The following RASGRF2 variants were observed in gnomAD, a reference collection of about 807,000 sequenced individuals.
RASGRF2 encodes Ras protein specific guanine nucleotide releasing factor 2.
RASGRF2 carries 76 observed loss-of-function variants against 151.0 expected under a neutral mutation model. That is an observed-to-expected ratio of 0.50 (90% CI 0.42 to 0.61). The LOEUF is 0.61. Among genes scored for constraint, RASGRF2 ranks in the 20% least tolerant of loss-of-function variants. The pLI, the probability that RASGRF2 is intolerant of heterozygous loss-of-function variation, is 0.00. For missense variants in RASGRF2, 1,148 were observed against 1,564.6 expected (o/e 0.73, Z 4.49); for synonymous variants, 504 against 566.5 (o/e 0.89, Z 1.57).
rs776343115 is a variant in RASGRF2, at chr5:81,094,375, C to T, written c.1618+13C>T. On this transcript the variant is annotated intron_variant, in intron 11 of 26. Transcript: ENST00000265080. ...AGCGATGATGACTGTAAGTCACCTTCGATCACTTAGGATTCTATTAGAATT... is the reference window on the plus strand; with the variant it reads ...AGCGATGATGACTGTAAGTCACCTTTGATCACTTAGGATTCTATTAGAATT... The T allele has an allele frequency of 2.5e-6, 4 of 1,606,338 alleles. No individual in the cohort carries two copies. The highest frequency in any genetic ancestry group is 2.2e-5 in the South Asian group (2 of 89,984).
intron 18 of RASGRF2, among the ~76,000 whole-genome samples, chr5:81,190,396 G>T (rs542028888): frequency 1.2e-4 from 19 of 152,282 alleles, no homozygotes; most frequent in African/African-American, 4.3e-4. Flanking sequence ...GGTCAAAAAG[G>T]TCTCAGATGA....
intron 5 of RASGRF2, among the ~76,000 whole-genome samples, chr5:81,078,307 G>T (rs1380562330): frequency 2.0e-5 from 3 of 152,120 alleles, no homozygotes; most frequent in Admixed American, 2.0e-4. Context: ...AACTATAGCT[G>T]CCCTATTGTG....
intron 1 of RASGRF2, among the ~76,000 whole-genome samples, chr5:80,971,451 G>C (rs532400278): frequency 5.9e-5 from 9 of 152,082 alleles, no homozygotes; most frequent in Non-Finnish European, 1.3e-4. Context: ...TCTTGCTGGA[G>C]TGCAATAATG....
intron 17 of RASGRF2, among the ~76,000 whole-genome samples, chr5:81,153,405 G>C (rs759229372): frequency 3.3e-5 from 5 of 152,216 alleles, no homozygotes; most frequent in Admixed American, 6.5e-5. Flanking sequence ...ATGTGAGAAA[G>C]ACTGGAGTGG....
At position 81,217,341 on chromosome 5, in the gene RASGRF2, C is replaced by T. The variant is rs772691684; in HGVS notation, c.3435-15C>T. ...ATTCAAATGAGTCTCAGAACAGTGCCTCTTGGTCTTGCAGTTGTAACCCTC... is the reference window on the plus strand; with the variant it reads ...ATTCAAATGAGTCTCAGAACAGTGCTTCTTGGTCTTGCAGTTGTAACCCTC... On this transcript the variant is annotated splice_polypyrimidine_tract_variant and intron_variant, in intron 24 of 26. Transcript: ENST00000265080. 4.4e-6 allele frequency: 7 copies of T among 1,592,990 alleles called. No individual in the cohort carries two copies. Among genetic ancestry groups the T allele is most frequent in the East Asian group, 2.3e-5 (1 of 43,984 alleles).
At chr5:80,996,046 C>G (rs926269927) in intron 1 of RASGRF2, among the ~76,000 whole-genome samples, 1 of 151,900 alleles carries the variant, frequency 6.6e-6, no homozygotes, top group African/African-American at 2.4e-5. Context: ...ATTGCATTAC[C>G]CCCTCCACTC....
At chr5:81,134,081 T>TGC (rs1246512240) in intron 17 of RASGRF2, among the ~76,000 whole-genome samples, 4 of 148,516 alleles carry the variant, frequency 2.7e-5, no homozygotes, top group African/African-American at 9.9e-5. Context: ...CTTGTGTGCG[T>TGC]GTGTGTGTGT....
intron 17 of RASGRF2, among the ~76,000 whole-genome samples, chr5:81,176,247 A>C (rs1754771366): frequency 6.6e-6 from 1 of 152,194 alleles, no homozygotes; most frequent in Non-Finnish European, 1.5e-5. Flanking sequence ...TTTTAATTTA[A>C]ATATGGACTA....
intron 12 of RASGRF2, among the ~76,000 whole-genome samples, chr5:81,102,471 G>A (rs1240525404): frequency 6.6e-6 from 1 of 152,170 alleles, no homozygotes; most frequent in East Asian, 1.9e-4. Flanking sequence ...AAGGCGGGTG[G>A]ATCACTTGAG....
At position 81,157,458 on chromosome 5, in the gene RASGRF2, T is replaced by C. The variant is rs370782297; in HGVS notation, c.2687-22717T>C. On this transcript the variant is annotated intron_variant, in intron 17 of 26. Transcript: ENST00000265080. ...TTGCTGAGAGACATTAGTGGAGAGATATACCAAGTTCGTTGACTGGAAGAC... is the reference window on the plus strand; with the variant it reads ...TTGCTGAGAGACATTAGTGGAGAGACATACCAAGTTCGTTGACTGGAAGAC... Among the ~76,000 whole-genome samples, 69 of 152,158 alleles carry C rather than the reference T, an allele frequency of 4.5e-4. No individual in the cohort carries two copies. In the South Asian group the frequency reaches 9.3e-3, roughly 21 times the overall value.
chr5:81,044,984 C>T (rs1163762318), intron 2 of RASGRF2, among the ~76,000 whole-genome samples: 1 of 152,174 alleles, frequency 6.6e-6, no homozygotes, highest in African/African-American at 2.4e-5. Flanking sequence ...GTGCCACTCT[C>T]CATGTGGACC....
chr5:81,131,689 A>G (rs142189824), intron 17 of RASGRF2, among the ~76,000 whole-genome samples: 1 of 151,838 alleles, frequency 6.6e-6, no homozygotes, highest in East Asian at 1.9e-4. Context: ...AGAAAAGAAA[A>G]AAAAAAAAAA....
intron 2 of RASGRF2, among the ~76,000 whole-genome samples, chr5:81,055,336 AG>A (rs1431721844): frequency 1.3e-5 from 2 of 152,180 alleles, no homozygotes; most frequent in African/African-American, 4.8e-5. Flanking sequence ...TTTAGCATGA[AG>A]GGCTGTTGAA....
At chr5:81,216,021 TACAA>T in intron 24 of RASGRF2, 66 bp downstream of exon 24, 2 of 1,319,898 alleles carry the variant, frequency 1.5e-6, no homozygotes, top group African/African-American at 1.5e-5. Flanking sequence ...GTATATAGTA[TACAA>T]ACAGTGACCT....
chr5:80,972,925 T>C (rs918021083), intron 1 of RASGRF2, among the ~76,000 whole-genome samples: 2 of 152,230 alleles, frequency 1.3e-5, no homozygotes, highest in Non-Finnish European at 2.9e-5. Context: ...TAATTTCATA[T>C]TGTTTATCCT....
At chr5:81,146,167 T>G (rs780003564) in intron 17 of RASGRF2, among the ~76,000 whole-genome samples, 8 of 152,218 alleles carry the variant, frequency 5.3e-5, no homozygotes, top group Admixed American at 3.9e-4. Flanking sequence ...CTGAATTGAA[T>G]AGACTCATTT....
chr5:81,067,783 G>A (rs1286398469), intron 2 of RASGRF2, among the ~76,000 whole-genome samples: 1 of 152,092 alleles, frequency 6.6e-6, no homozygotes, highest in Non-Finnish European at 1.5e-5. Context: ...CCACTTCTAT[G>A]GTAAGATTTT....
chr5:80,995,149 A>G (rs1010791583), intron 1 of RASGRF2, among the ~76,000 whole-genome samples: 18 of 150,526 alleles, frequency 1.2e-4, no homozygotes, highest in Non-Finnish European at 2.2e-4. Flanking sequence ...CCAGCTACTT[A>G]GGAGGCTGAG....
chr5:81,212,359 G>T lies in RASGRF2; in HGVS notation c.3157-7G>T. ...GACTGCCTTTCGGGGCTTTTTGATT[G>T]TCTCAGATGAGTAACCTGGTGGCCT... On this transcript the variant is annotated splice_region_variant and splice_polypyrimidine_tract_variant and intron_variant, in intron 22 of 26. Transcript: ENST00000265080. 6.3e-7 allele frequency: 1 copy of T among 1,582,216 alleles called. No homozygotes were observed. Among genetic ancestry groups the T allele is most frequent in the Non-Finnish European group, 8.6e-7 (1 of 1,159,850 alleles).
Sources: allele counts gnomAD v4.1 joint callset (sites outside exome capture counted in the v4.1 genomes callset), GRCh38; gene constraint gnomAD v4.1.1; transcripts MANE v1.5; gene names NCBI Gene and HGNC (gene_info 2026-07-23, HGNC 2026-07-21).